HECA: variants seen among roughly 807,000 people sequenced by gnomAD.
The protein encoded by HECA is headcase protein homolog.
A neutral mutation model predicts 37.6 loss-of-function variants in HECA; 13 were observed. That is an observed-to-expected ratio of 0.35 (90% CI 0.23 to 0.55). The LOEUF (loss-of-function observed/expected upper bound fraction) is 0.55. Among genes scored for constraint, HECA ranks in the 20% least tolerant of loss-of-function variants. HECA has a pLI of 0.90. For missense variants in HECA, 527 were observed against 701.9 expected (o/e 0.75, Z 2.82); for synonymous variants, 307 against 291.5 (o/e 1.05, Z -0.54).
rs1406627869 is a variant in HECA at position 139,135,276 on chromosome 6, A to T, written c.-121A>T. The T allele has an allele frequency of 6.2e-6, 5 of 807,374 alleles. No homozygotes were observed. The highest frequency in any genetic ancestry group is 7.8e-6 in the Non-Finnish European group (5 of 638,672). 50.0% of individuals were successfully genotyped at this position (807,374 alleles called of 1,614,324 possible). A position where few individuals can be genotyped will look rare whatever the true frequency, so the allele number is the denominator to read the frequency against. On this transcript the variant is annotated 5_prime_UTR_variant, in exon 1 of 4. Coordinates refer to ENST00000367658, the MANE Select transcript of HECA (RefSeq NM_016217.3). The stretch of plus-strand genomic sequence containing the variant: ...GTGCGGCTAGACGGGAGCCGAGGGA[A>T]CCGCCGGCTCGCGCCCTCCGTTCTT...
At position 139,166,877 on chromosome 6, in the gene HECA, C is replaced by T. The variant is rs200188780; in HGVS notation, c.865C>T (p.Arg289Cys). ...CTCTCCTGCCCACTTCAGCGGCCCC[C>T]GCTCCTCCAGATACCTCGGGGAGTT... ...ILSPAHFSGP[R>C]SSRYLGEFLK... The change falls in exon 2 of 4, where the codon CGC becomes TGC. Residue 289 changes from arginine (R) to cysteine (C), a missense_variant. Around this residue, in one of 4 missense-constraint regions of HECA, gnomAD observed 228 missense variants for 259.8 expected, o/e 0.88. Transcript: ENST00000367658. 5.0e-6 allele frequency: 8 copies of T among 1,613,964 alleles called. No individual in the cohort carries two copies. The highest frequency in any genetic ancestry group is 3.3e-5 in the South Asian group (3 of 91,082).
Position 139,166,805 on chromosome 6 carries a change from C to T in HECA, c.793C>T (p.Pro265Ser). The T allele has an allele frequency of 1.2e-6, 2 of 1,613,778 alleles. No homozygotes were observed. The highest frequency in any genetic ancestry group is 1.7e-6 in the Non-Finnish European group (2 of 1,179,978). Residue 265 changes from proline to serine, a missense_variant, in exon 2 of 4, where the codon CCC (proline) becomes TCC (serine). Physicochemically the swap from Pro to Ser is moderately conservative, Grantham distance 74. Coordinates refer to ENST00000367658, the MANE Select transcript of HECA (RefSeq NM_016217.3). The stretch of plus-strand genomic sequence containing the variant: ...TGCCGCAGCCTACGGTGCCCGTTCC[C>T]CCGGTGGCTCCCCGGGCCAGTCCCC... ...VGAAAYGARS[P>S]GGSPGQSPPT...
intron 2 of HECA, chr6:139,170,383 A>G (rs1232620815): frequency 6.6e-6 from 1 of 152,180 alleles, no homozygotes; most frequent in Non-Finnish European, 1.5e-5. Flanking sequence ...ACCAGGCTTA[A>G]AGTTCTAGTA....
At chr6:139,153,486 G>A (rs1350403744) in intron 1 of HECA, among the ~76,000 whole-genome samples, 1 of 151,442 alleles carries the variant, frequency 6.6e-6, no homozygotes, top group Non-Finnish European at 1.5e-5. Flanking sequence ...GCAGTGGCGC[G>A]ATCTCGGCTC....
At chr6:139,163,911 A>C (rs1774843014) in intron 1 of HECA, among the ~76,000 whole-genome samples, 1 of 152,104 alleles carries the variant, frequency 6.6e-6, no homozygotes, top group Non-Finnish European at 1.5e-5. Context: ...CTTGAGCTCC[A>C]GTCAAATTCA....
chr6:139,148,680 C>T (rs1041630167), intron 1 of HECA, among the ~76,000 whole-genome samples: 9 of 152,012 alleles, frequency 5.9e-5, no homozygotes, highest in East Asian at 1.9e-4. Context: ...GCAGGAGAAT[C>T]GCTTCAACCT....
intron 1 of HECA, among the ~76,000 whole-genome samples, chr6:139,137,021 A>G (rs746271552): frequency 1.6e-4 from 24 of 152,156 alleles, no homozygotes; most frequent in Non-Finnish European, 2.2e-4. Flanking sequence ...GCCTGTTAGA[A>G]CTGTAGGCCC....
In HECA at chr6:139,177,660, C is replaced by T. The variant is rs1052719384; in HGVS notation, c.*555C>T. The T allele has an allele frequency of 1.3e-5, 2 of 152,580 alleles. No homozygotes were observed. Among genetic ancestry groups the T allele is most frequent in the Non-Finnish European group, 2.9e-5 (2 of 68,040 alleles). 9.5% of individuals were successfully genotyped at this position (152,580 alleles called of 1,614,324 possible). A position where few individuals can be genotyped will look rare whatever the true frequency, so the allele number is the denominator to read the frequency against. On this transcript the variant is annotated 3_prime_UTR_variant, in exon 4 of 4. Coordinates refer to ENST00000367658, the MANE Select transcript of HECA (RefSeq NM_016217.3). This position sits in a 1 kb window ranked among gnomAD's most constrained non-coding sequence, Gnocchi z 4.9. ...AGTGGCACAAGTGCTGTTTCTATCA[C>T]TATTGTAATTTGCCAGTTCATTTTT...
chr6:139,142,658 TAATGGTGGCCAGGC>T, intron 1 of HECA, among the ~76,000 whole-genome samples: 1 of 152,212 alleles, frequency 6.6e-6, no homozygotes, highest in Non-Finnish European at 1.5e-5. Flanking sequence ...TAAAAAGTAG[TAATGGTGGCCAGGC>T]AATGGTGGCT....
At chr6:139,150,270 G>C (rs1774634913) in intron 1 of HECA, among the ~76,000 whole-genome samples, 1 of 152,058 alleles carries the variant, frequency 6.6e-6, no homozygotes, top group Admixed American at 6.6e-5. Flanking sequence ...TGAAATACTG[G>C]TCATGTGTAT....
At chr6:139,160,714 A>G (rs1209865098) in intron 1 of HECA, among the ~76,000 whole-genome samples, 1 of 152,220 alleles carries the variant, frequency 6.6e-6, no homozygotes, top group African/African-American at 2.4e-5. Flanking sequence ...GTGCCTGGCC[A>G]TACTTACTTA....
intron 1 of HECA, among the ~76,000 whole-genome samples, chr6:139,150,776 A>T (rs895037736): frequency 1.3e-5 from 2 of 152,302 alleles, no homozygotes; most frequent in African/African-American, 4.8e-5. Flanking sequence ...TCTGTGTTCC[A>T]CAAAAGTTAG....
Position 139,166,995 on chromosome 6 carries a change from G to A in HECA, c.983G>A (p.Gly328Glu), listed in dbSNP as rs772308570. Residue 328 changes from glycine (G) to glutamate (E), a missense_variant, in exon 2 of 4, where the codon GGG (glycine) becomes GAG (glutamate). By Grantham distance (98) the Gly-to-Glu change is moderately conservative (BLOSUM62 -2). Coordinates refer to ENST00000367658, the MANE Select transcript of HECA (RefSeq NM_016217.3). ...RNAHFDYSPA[G>E]LAVHRGGHFD... Reference sequence around the variant, plus strand: ...GCCCACTTTGATTACAGCCCTGCGGGGTTGGCAGTTCACAGGGGGGGACAC... The same window carrying A: ...GCCCACTTTGATTACAGCCCTGCGGAGTTGGCAGTTCACAGGGGGGGACAC... 1.8e-5 allele frequency: 29 copies of A among 1,614,104 alleles called. No homozygotes were observed. The highest frequency in any genetic ancestry group is 5.1e-6 in the Non-Finnish European group (6 of 1,180,040).
chr6:139,178,314 A>AT lies in HECA; in HGVS notation c.*1213dup, dbSNP rs574688172. The AT allele has an allele frequency of 1.6e-4, 24 of 152,318 alleles. No individual in the cohort carries two copies. In the East Asian group the frequency reaches 4.6e-3, roughly 29 times the overall value. 9.4% of individuals were successfully genotyped at this position (152,318 alleles called of 1,614,324 possible). A position where few individuals can be genotyped will look rare whatever the true frequency, so the allele number is the denominator to read the frequency against. On this transcript the variant is annotated 3_prime_UTR_variant, in exon 4 of 4. Transcript: ENST00000367658. The stretch of plus-strand genomic sequence containing the variant: ...CAAAATACAGCCTTTGGTTCAGTAG[A>AT]TTTTAATGCTTTAAATAGACTGACG...
At chr6:139,158,600 G>T (rs114752127) in intron 1 of HECA, among the ~76,000 whole-genome samples, 1 of 149,662 alleles carries the variant, frequency 6.7e-6, no homozygotes. Context: ...GAGCCTGGCA[G>T]GTTGAAGCTG....
At chr6:139,146,470 C>T (rs1330125062) in intron 1 of HECA, among the ~76,000 whole-genome samples, 1 of 152,200 alleles carries the variant, frequency 6.6e-6, no homozygotes, top group East Asian at 1.9e-4. Flanking sequence ...TTTAGTATAA[C>T]ACAACTTCTT....
chr6:139,154,901 T>C (rs1015348764), intron 1 of HECA, among the ~76,000 whole-genome samples: 5 of 152,220 alleles, frequency 3.3e-5, no homozygotes, highest in Admixed American at 1.3e-4. Flanking sequence ...CTTATTTTCC[T>C]AAGCAAGGAT....
intron 3 of HECA, chr6:139,174,747 T>C: frequency 1.7e-6 from 1 of 585,090 alleles, no homozygotes; most frequent in Non-Finnish European, 2.6e-6. Flanking sequence ...TGGGAAGCAT[T>C]TCCAGTATAT....
chr6:139,140,660 C>A (rs539512008), intron 1 of HECA, among the ~76,000 whole-genome samples: 21 of 152,208 alleles, frequency 1.4e-4, no homozygotes, highest in African/African-American at 4.8e-4. Flanking sequence ...ACGGGAAAAT[C>A]TCTTGCAGCT....
Sources: allele counts gnomAD v4.1 joint callset (sites outside exome capture counted in the v4.1 genomes callset), GRCh38; gene constraint gnomAD v4.1.1; regional missense constraint gnomAD v4.1.1; non-coding constraint Gnocchi (gnomAD v3.1); transcripts MANE v1.5; gene names NCBI Gene and HGNC (gene_info 2026-07-23, HGNC 2026-07-21).